UBE2E2: variants seen among roughly 807,000 people sequenced by gnomAD.
UBE2E2 encodes ubiquitin conjugating enzyme E2 E2.
Under a neutral mutation model 24.7 loss-of-function variants are expected in UBE2E2, and 6 were observed. The observed-to-expected ratio is 0.24, with a 90% confidence interval of 0.13 to 0.48. The LOEUF is 0.48. Among genes scored for constraint, UBE2E2 ranks in the 20% least tolerant of loss-of-function variants. The pLI, the probability that UBE2E2 is intolerant of heterozygous loss-of-function variation, is 0.99. For synonymous variants in UBE2E2, 104 were observed against 83.6 expected (o/e 1.24, Z -1.33); for missense variants, 169 against 245.0 (o/e 0.69, Z 2.07).
At chr3:23,499,795 A>T in intron 4 of UBE2E2, 55 bp downstream of exon 4, 2 of 1,576,710 alleles carry the variant, frequency 1.3e-6, no homozygotes, top group Non-Finnish European at 1.7e-6. Flanking sequence ...TTCTAGATAC[A>T]TATACTTATT....
Position 23,301,183 on chromosome 3 carries a change from G to A in UBE2E2, c.227+83871G>A, listed in dbSNP as rs184591695. 5.8e-4 allele frequency among the ~76,000 whole-genome samples: 88 copies of A among 152,034 alleles called. 3 individuals are homozygous for A. In the East Asian group the frequency reaches 0.015, roughly 27 times the overall value. On this transcript the variant is annotated intron_variant, in intron 3 of 5. Transcript: ENST00000396703. ...CATTAGTTATTCTAGTTATCCATTC[G>A]TCTAATTTTTTTTCAAAGCTTTTTA...
At chr3:23,324,812 G>A (rs1458912399) in intron 3 of UBE2E2, among the ~76,000 whole-genome samples, 2 of 151,468 alleles carry the variant, frequency 1.3e-5, no homozygotes, top group Non-Finnish European at 3.0e-5. Flanking sequence ...AAACCTAAAT[G>A]GATTCTAATT....
At chr3:23,399,942 G>T (rs73138434) in intron 3 of UBE2E2, among the ~76,000 whole-genome samples, 6,307 of 152,170 alleles carry the variant, frequency 0.041, 458 homozygotes, top group African/African-American at 0.14. Context: ...TGAGAATTGT[G>T]CTCCTTACTA....
chr3:23,492,378 C>T (rs1699518115), intron 3 of UBE2E2, among the ~76,000 whole-genome samples: 1 of 152,150 alleles, frequency 6.6e-6, no homozygotes, highest in East Asian at 1.9e-4. Flanking sequence ...CTACCCTATT[C>T]CCTGGTAATT....
intron 4 of UBE2E2, 125 bp from the exon 5 acceptor site, chr3:23,532,429 A>T (rs771051044): frequency 4.4e-5 from 33 of 754,504 alleles, no homozygotes; most frequent in Non-Finnish European, 5.9e-5. Context: ...AATCAAGTGT[A>T]TGTTAACCAA....
At chr3:23,503,189 T>C (rs999336494) in intron 4 of UBE2E2, among the ~76,000 whole-genome samples, 1 of 151,854 alleles carries the variant, frequency 6.6e-6, no homozygotes, top group African/African-American at 2.4e-5. Context: ...TTTTTGTTTT[T>C]GTTTTTGTTT....
At chr3:23,437,185 C>A (rs1467914638) in intron 3 of UBE2E2, among the ~76,000 whole-genome samples, 1 of 152,226 alleles carries the variant, frequency 6.6e-6, no homozygotes, top group Non-Finnish European at 1.5e-5. Context: ...CATCCCAGGG[C>A]CTTTCTCCTT....
intron 3 of UBE2E2, among the ~76,000 whole-genome samples, chr3:23,388,508 G>A (rs749675770): frequency 1.3e-5 from 2 of 152,102 alleles, no homozygotes; most frequent in South Asian, 2.1e-4. Flanking sequence ...AAGAATGTCC[G>A]AGAGGTTTTA....
intron 3 of UBE2E2, among the ~76,000 whole-genome samples, chr3:23,236,325 C>A (rs1305105424): frequency 6.6e-6 from 1 of 152,140 alleles, no homozygotes; most frequent in Non-Finnish European, 1.5e-5. Flanking sequence ...GTAATTTCTT[C>A]AGTAATTTTG....
intron 3 of UBE2E2, among the ~76,000 whole-genome samples, chr3:23,217,590 C>T (rs1021030216): frequency 2.0e-5 from 3 of 150,682 alleles, no homozygotes; most frequent in Non-Finnish European, 4.4e-5. Flanking sequence ...TACACTATGA[C>T]ATTTTAGTGG....
rs35038477 is a variant in UBE2E2, at chr3:23,348,347, C to CAAA, written c.227+131050_227+131052dup. The stretch of plus-strand genomic sequence containing the variant: ...GAATAAAATGAGCCTGTGCTGCTTT[C>CAAA]AAAAAAAAAAAAAAAAAGAATAGTC... On this transcript the variant is annotated intron_variant, in intron 3 of 5. Coordinates refer to ENST00000396703, the MANE Select transcript of UBE2E2 (RefSeq NM_152653.4). 4.9e-5 allele frequency among the ~76,000 whole-genome samples: 6 copies of CAAA among 121,948 alleles called. No homozygotes were observed. The East Asian group carries it at 1.0e-3, about 20-fold the overall frequency. The allele number at this position is 121,948 out of a possible 152,430, so 80.0% of individuals were successfully genotyped here. A position where few individuals can be genotyped will look rare whatever the true frequency, so the allele number is the denominator to read the frequency against.
At chr3:23,434,869 A>G (rs1201307150) in intron 3 of UBE2E2, among the ~76,000 whole-genome samples, 2 of 152,198 alleles carry the variant, frequency 1.3e-5, no homozygotes, top group Admixed American at 1.3e-4. Context: ...AAAATAAAGC[A>G]TTTGCGCACA....
chr3:23,340,117 T>C, intron 3 of UBE2E2, among the ~76,000 whole-genome samples: 1 of 152,092 alleles, frequency 6.6e-6, no homozygotes, highest in East Asian at 1.9e-4. Context: ...AGGTGACATT[T>C]TAACCTGTGT....
At chr3:23,549,987 C>T (rs568071845) in intron 5 of UBE2E2, among the ~76,000 whole-genome samples, 10 of 150,018 alleles carry the variant, frequency 6.7e-5, no homozygotes, top group South Asian at 4.2e-4. Flanking sequence ...AAGACGAGAT[C>T]GCACCATTGC....
At chr3:23,203,593 C>T (rs1696031477) in intron 1 of UBE2E2, 129 bp downstream of exon 1, 9 of 507,556 alleles carry the variant, frequency 1.8e-5, no homozygotes, top group Non-Finnish European at 2.3e-5. Flanking sequence ...CCCTAGTTCC[C>T]TCCTTCCTCG....
chr3:23,465,870 CCTCACATT>C (rs1311350454), intron 3 of UBE2E2, among the ~76,000 whole-genome samples: 1 of 152,088 alleles, frequency 6.6e-6, no homozygotes, highest in African/African-American at 2.4e-5. Context: ...ATATAGTATG[CCTCACATT>C]CTCACAAAAA....
intron 3 of UBE2E2, among the ~76,000 whole-genome samples, chr3:23,403,779 G>T (rs964951176): frequency 6.9e-6 from 1 of 145,480 alleles, no homozygotes; most frequent in African/African-American, 2.6e-5. Context: ...AGCCGAGATT[G>T]CCTGGGCGAC....
In UBE2E2 at chr3:23,589,433, A is replaced by G. The variant is rs1284909533; in HGVS notation, c.509-301A>G. Among the ~76,000 whole-genome samples, 1 of 152,008 alleles carries G rather than the reference A, an allele frequency of 6.6e-6. No individual in the cohort carries two copies. Among genetic ancestry groups the G allele is most frequent in the Non-Finnish European group, 1.5e-5 (1 of 67,974 alleles). The stretch of plus-strand genomic sequence containing the variant: ...GCAACACCCTGTCTCAAAAGAAAAA[A>G]AAAAAAACCAATACGAGGGGAGCAA... On this transcript the variant is annotated intron_variant, in intron 5 of 5. Transcript: ENST00000396703. This position sits in a 1 kb window ranked among gnomAD's most constrained non-coding sequence, Gnocchi z 4.1.
At chr3:23,219,074 G>A (rs1484880685) in intron 3 of UBE2E2, among the ~76,000 whole-genome samples, 1 of 152,072 alleles carries the variant, frequency 6.6e-6, no homozygotes, top group Non-Finnish European at 1.5e-5. Context: ...TTCTGACTTG[G>A]GAATTTGTAA....
Sources: gnomAD v4.1 joint callset for allele counts (sites outside exome capture counted in the v4.1 genomes callset) on GRCh38, gnomAD v4.1.1 for gene constraint, Gnocchi (gnomAD v3.1) non-coding constraint, MANE v1.5 for transcripts, NCBI Gene and HGNC (gene_info 2026-07-23, HGNC 2026-07-21) for gene names.